Variants in DTNB observed in about 807,000 individuals in gnomAD.
DTNB encodes dystrobrevin beta.
DTNB carries 63 observed loss-of-function variants against 90.7 expected under a neutral mutation model. The ratio of observed to expected loss-of-function variants is 0.69; its 90% CI spans 0.57 to 0.86. DTNB has a LOEUF of 0.86. Among genes scored for constraint, DTNB ranks in the 40% least tolerant of loss-of-function variants. The pLI, the probability that DTNB is intolerant of heterozygous loss-of-function variation, is 0.00. For synonymous variants in DTNB, 277 were observed against 286.7 expected, an observed-to-expected ratio of 0.97 and a Z score of 0.34; for missense variants, 744 against 807.1, an observed-to-expected ratio of 0.92 and a Z score of 0.95.
At chr2:25,592,609 C>T (rs1193590470) in intron 6 of DTNB, among the ~76,000 whole-genome samples, 2 of 151,050 alleles carry the variant, frequency 1.3e-5, no homozygotes, top group African/African-American at 4.9e-5. Context: ...AGAATTAAAA[C>T]TATATTAAAA....
intron 12 of DTNB, among the ~76,000 whole-genome samples, chr2:25,436,760 T>C (rs2055921979): frequency 6.6e-6 from 1 of 152,214 alleles, no homozygotes; most frequent in Non-Finnish European, 1.5e-5. Flanking sequence ...GAAAAGTAGC[T>C]TGCTTGAGAC....
At chr2:25,475,615 G>A (rs775632057) in intron 10 of DTNB, among the ~76,000 whole-genome samples, 4 of 152,174 alleles carry the variant, frequency 2.6e-5, no homozygotes, top group South Asian at 2.1e-4. Context: ...AGATGAAACC[G>A]GCTTCTATCG....
intron 12 of DTNB, among the ~76,000 whole-genome samples, chr2:25,446,158 A>AT (rs1289408508): frequency 2.6e-5 from 4 of 152,066 alleles, no homozygotes; most frequent in African/African-American, 9.7e-5. Flanking sequence ...TCCTTTTGGT[A>AT]TACTATTCAA....
intron 8 of DTNB, among the ~76,000 whole-genome samples, chr2:25,535,356 G>A (rs2079291595): frequency 6.9e-6 from 1 of 145,798 alleles, no homozygotes; most frequent in African/African-American, 2.6e-5. Context: ...CCGGGCAGAG[G>A]CGCTCCTCAC....
intron 16 of DTNB, among the ~76,000 whole-genome samples, chr2:25,405,093 A>C (rs900168841): frequency 3.3e-5 from 5 of 151,810 alleles, no homozygotes; most frequent in African/African-American, 1.2e-4. Context: ...ATGCCTGGCT[A>C]ATTACTGTAT....
intron 15 of DTNB, among the ~76,000 whole-genome samples, chr2:25,422,744 G>A (rs1045665591): frequency 7.9e-5 from 12 of 152,072 alleles, no homozygotes; most frequent in Admixed American, 2.6e-4. Context: ...GGAAAATGAA[G>A]TAGAACATGG....
intron 10 of DTNB, among the ~76,000 whole-genome samples, chr2:25,459,062 T>C (rs1341657887): frequency 1.3e-5 from 2 of 151,970 alleles, no homozygotes; most frequent in Non-Finnish European, 2.9e-5. Context: ...GCTTTTTAAA[T>C]GTTTTATTCA....
intron 9 of DTNB, among the ~76,000 whole-genome samples, chr2:25,527,536 G>A (rs2077403005): frequency 1.3e-5 from 2 of 150,944 alleles, no homozygotes; most frequent in Admixed American, 1.3e-4. Context: ...AAAAGAGAAA[G>A]AAAAAATGCC....
In DTNB at chr2:25,427,615, G is replaced by A; in HGVS notation, c.1474C>T (p.Leu492=). The change falls in exon 15 of 21, where the codon CTG becomes TTG. Residue 492 remains leucine (L), a synonymous_variant. Transcript: ENST00000406818. ...TGCAGGGCCGACATCCTCTGCTCCA[G>A]TTCATCCTTCCTTTGCCTATCCAAG... ...LRLLRQRKDE[L]EQRMSALQES... is the part of the protein sequence containing the mutation. The A allele has an allele frequency of 6.2e-7, 1 of 1,613,224 alleles. No homozygotes were observed. The highest frequency in any genetic ancestry group is 8.5e-7 in the Non-Finnish European group (1 of 1,179,780).
At chr2:25,464,735 A>G (rs370211426) in intron 10 of DTNB, among the ~76,000 whole-genome samples, 20 of 152,228 alleles carry the variant, frequency 1.3e-4, no homozygotes, top group African/African-American at 4.8e-4. Flanking sequence ...CAGGTTCTCT[A>G]TGATGCAGTG....
Position 25,628,093 on chromosome 2 carries a change from C to T in DTNB, c.362+78G>A, listed in dbSNP as rs75722218. ...GCCAGCTTAGCAAGGCAACTTAGCA[C>T]GGCAGTATGGAAGAAGAATGATTCA... On this transcript the variant is annotated intron_variant, in intron 4 of 20. Coordinates refer to ENST00000406818, the MANE Select transcript of DTNB (RefSeq NM_021907.5). The T allele has an allele frequency of 3.1e-5, 46 of 1,482,410 alleles. 1 individual carries two copies. Among genetic ancestry groups the T allele is most frequent in the Middle Eastern group, 2.0e-4 (1 of 5,014 alleles). 91.8% of individuals were successfully genotyped at this position (1,482,410 alleles called of 1,614,324 possible).
intron 8 of DTNB, among the ~76,000 whole-genome samples, chr2:25,546,381 T>C (rs149103327): frequency 6.6e-5 from 10 of 152,342 alleles, no homozygotes; most frequent in South Asian, 4.1e-4. Context: ...TTCAGAAAAC[T>C]GGTAGATTTT....
At position 25,628,326 on chromosome 2, in the gene DTNB, T is replaced by C. The variant is rs2074885264; in HGVS notation, c.207A>G (p.Thr69=). 1 of 1,597,938 alleles carries C rather than the reference T, an allele frequency of 6.3e-7. No homozygotes were observed. The highest frequency in any genetic ancestry group is 8.5e-7 in the Non-Finnish European group (1 of 1,173,008). Residue 69 remains threonine, a synonymous_variant, in exon 4 of 21, where the codon ACA becomes ACG. Coordinates refer to ENST00000406818, the MANE Select transcript of DTNB (RefSeq NM_021907.5). ...CACTGATCTCGGTGGTATGGTCCAGTGTATTAAGGCCATTGTCTCGGAAGG... is the reference window on the plus strand; with the variant it reads ...CACTGATCTCGGTGGTATGGTCCAGCGTATTAAGGCCATTGTCTCGGAAGG... ...IEAFRDNGLN[T]LDHTTEISVS... is the part of the protein sequence containing the mutation.
intron 9 of DTNB, among the ~76,000 whole-genome samples, chr2:25,497,055 A>G (rs2150523447): frequency 6.6e-6 from 1 of 152,328 alleles, no homozygotes; most frequent in African/African-American, 2.4e-5. Context: ...CTTCTAATGC[A>G]TTACGCTGCT....
intron 9 of DTNB, among the ~76,000 whole-genome samples, chr2:25,486,632 C>CAAA (rs57903531): frequency 1.1e-5 from 1 of 92,350 alleles, no homozygotes; most frequent in Non-Finnish European, 2.2e-5. Flanking sequence ...GACCCTGTCT[C>CAAA]AAAAAAAAAA....
chr2:25,615,768 T>C (rs556305402), intron 4 of DTNB, among the ~76,000 whole-genome samples: 5 of 152,322 alleles, frequency 3.3e-5, no homozygotes, highest in African/African-American at 9.6e-5. Flanking sequence ...CAAATCCCAA[T>C]TGAATTCACA....
intron 1 of DTNB, among the ~76,000 whole-genome samples, chr2:25,653,923 C>T (rs1279439938): frequency 6.6e-6 from 1 of 152,152 alleles, no homozygotes; most frequent in Non-Finnish European, 1.5e-5. Flanking sequence ...CTTTTACTCC[C>T]GCTCTTGATA....
chr2:25,472,200 C>T (rs1344445512), intron 10 of DTNB, among the ~76,000 whole-genome samples: 1 of 152,178 alleles, frequency 6.6e-6, no homozygotes, highest in Admixed American at 6.5e-5. Context: ...TACTACGATA[C>T]TATGATATGT....
chr2:25,474,497 T>C (rs904406308), intron 10 of DTNB, among the ~76,000 whole-genome samples: 1 of 152,238 alleles, frequency 6.6e-6, no homozygotes, highest in African/African-American at 2.4e-5. Flanking sequence ...TGATCACTTT[T>C]GTTTTATTCC....
Sources: allele counts gnomAD v4.1 joint callset (sites outside exome capture counted in the v4.1 genomes callset), GRCh38; gene constraint gnomAD v4.1.1; transcripts MANE v1.5; gene names NCBI Gene and HGNC (gene_info 2026-07-23, HGNC 2026-07-21).